HOOK2: variants seen among roughly 807,000 people sequenced by gnomAD.
The protein encoded by HOOK2 is hook microtubule tethering protein 2.
A neutral mutation model predicts 111.9 loss-of-function variants in HOOK2; 108 were observed. The observed-to-expected ratio is 0.96, with a 90% CI of 0.83 to 1.13. The LOEUF (loss-of-function observed/expected upper bound fraction) is 1.13, where lower values mean the gene tolerates loss of function less well. Ranked by LOEUF, HOOK2 falls within the 50% of genes most tolerant of loss-of-function variation. The pLI is 0.00. For missense variants in HOOK2, 978 were observed against 951.3 expected (o/e 1.03, Z -0.37); for synonymous variants, 405 against 394.3 (o/e 1.03, Z -0.32).
In HOOK2 at chr19:12,791,197, T is replaced by C. The variant is rs572566911; in HGVS notation, n.42-16972A>G. Among the ~76,000 whole-genome samples the C allele has an allele frequency of 6.6e-6, 1 of 152,238 alleles. No individual in the cohort carries two copies. The highest frequency in any genetic ancestry group is 6.5e-5 in the Admixed American group (1 of 15,288). On this transcript the variant is annotated intron_variant and non_coding_transcript_variant, in intron 3 of 3. Coordinates refer to the HOOK2 transcript ENST00000589765. The surrounding 1 kb of genome is among the most constrained non-coding windows in gnomAD (Gnocchi z 7.0). ...GTCCCAGTGGACTCCAGGGAAATCA[T>C]CCTCCTCCCTGAAACCCCTCACTCA...
At chr19:12,782,456 C>CA, upstream of HOOK2, among the ~76,000 whole-genome samples, 1 of 152,206 alleles carries the variant, frequency 6.6e-6, no homozygotes, top group Non-Finnish European at 1.5e-5. Flanking sequence ...CAGCAGGCTG[C>CA]GCGGACGCAG....
upstream of HOOK2, among the ~76,000 whole-genome samples, chr19:12,776,730 T>A (rs1044311333): frequency 2.7e-5 from 4 of 150,258 alleles, no homozygotes; most frequent in South Asian, 8.4e-4. Context: ...TGGTCCTAGC[T>A]CCTAGCTCTA....
At position 12,791,996 on chromosome 19, in the gene HOOK2, C is replaced by T. The variant is rs760303170; in HGVS notation, n.42-17771G>A. The T allele has an allele frequency of 1.9e-6, 3 of 1,611,680 alleles. No homozygotes were observed. Among genetic ancestry groups the T allele is most frequent in the Non-Finnish European group, 2.5e-6 (3 of 1,179,440 alleles). ...GCTACTTTTCTGGTCAGGGCTCGGA[C>T]ACCGGCGCGTCTCTCAAGCTCGCCT... On this transcript the variant is annotated intron_variant and non_coding_transcript_variant, in intron 3 of 3. Coordinates refer to the HOOK2 transcript ENST00000589765. The surrounding 1 kb of genome is among the most constrained non-coding windows in gnomAD (Gnocchi z 7.0).
At chr19:12,775,258 G>C in intron 1 of HOOK2, 147 bp downstream of exon 1, 1 of 1,451,630 alleles carries the variant, frequency 6.9e-7, no homozygotes, top group South Asian at 1.4e-5. Context: ...ACGGGGGCGG[G>C]TGCTCGGGCC....
At chr19:12,767,544 T>C in intron 13 of HOOK2, 80 bp from the exon 14 acceptor site, 1 of 1,216,154 alleles carries the variant, frequency 8.2e-7, no homozygotes, top group Non-Finnish European at 1.2e-6. Flanking sequence ...AAGGATCATC[T>C]TTTGGGGCTT....
At position 12,763,154 on chromosome 19, in the gene HOOK2, G is replaced by A; in HGVS notation, c.*128C>T. ...CCGCCCTCCCTCCCCACCAATCTGG[G>A]AGAGGGAAGAGCAGAGATCATGGCC... is the stretch of plus-strand genomic sequence containing the variant. On this transcript the variant is annotated 3_prime_UTR_variant, in exon 23 of 23. Transcript: ENST00000397668. 1 of 916,730 alleles carries A rather than the reference G, an allele frequency of 1.1e-6. No individual in the cohort carries two copies. The allele number at this position is 916,730 out of a possible 1,614,324, so 56.8% of individuals were successfully genotyped here.
rs753774177 is a variant in HOOK2, at chr19:12,765,080, G to T, written c.1642C>A (p.Gln548Lys). 5.6e-6 allele frequency: 9 copies of T among 1,614,110 alleles called. No homozygotes were observed. The Admixed American group carries it at 1.5e-4, about 27-fold the overall frequency. ...TCCAGATCTGCCTCATGAAGCTTCTGCCTGTGGGCCGGGGATGAGCAGCAG... is the reference window on the plus strand; with the variant it reads ...TCCAGATCTGCCTCATGAAGCTTCTTCCTGTGGGCCGGGGATGAGCAGCAG... ...LLKRKLEEHLQKLHEADLELQ... is the reference protein window; with the variant it reads ...LLKRKLEEHLKKLHEADLELQ... Residue 548 changes from glutamine (Q) to lysine (K), a missense_variant and splice_region_variant, in exon 19 of 23, where the codon CAG (glutamine) becomes AAG (lysine). Gln to Lys is a moderately conservative substitution (Grantham distance 53, BLOSUM62 1). Coordinates refer to ENST00000397668, the MANE Select transcript of HOOK2 (RefSeq NM_013312.3).
intron 7 of HOOK2, 106 bp from the exon 8 acceptor site, chr19:12,771,583 G>A (rs1426077075): frequency 1.4e-5 from 14 of 970,458 alleles, no homozygotes; most frequent in Non-Finnish European, 2.2e-5. Flanking sequence ...AAACCCTCAG[G>A]ATTGAAAAGA....
rs534490655 is a variant in HOOK2 at position 12,772,970 on chromosome 19, C to T, written c.255+24G>A. 6 of 1,614,220 alleles carry T rather than the reference C, an allele frequency of 3.7e-6. No homozygotes were observed. In the South Asian group the frequency reaches 6.6e-5, roughly 18 times the overall value. The stretch of plus-strand genomic sequence containing the variant: ...CCCACCCTTCTCCCAACTCAACCCC[C>T]TGAATCCCTTTACAGTTACTCACAT... On this transcript the variant is annotated intron_variant, in intron 4 of 22. Transcript: ENST00000397668.
Position 12,786,850 on chromosome 19 carries a change from C to T in HOOK2, n.42-12625G>A, listed in dbSNP as rs1362960871. Reference sequence around the variant, plus strand: ...GAGACCCGTGCCCCTCTGTCTGTGCCCCACCACATTTCTCCCCCAATTAAA... The same window carrying T: ...GAGACCCGTGCCCCTCTGTCTGTGCTCCACCACATTTCTCCCCCAATTAAA... On this transcript the variant is annotated intron_variant and non_coding_transcript_variant, in intron 3 of 3. Transcript: ENST00000589765. The surrounding 1 kb of genome is among the most constrained non-coding windows in gnomAD (Gnocchi z 4.3). Among the ~76,000 whole-genome samples the T allele has an allele frequency of 6.6e-6, 1 of 152,148 alleles. No homozygotes were observed. Among genetic ancestry groups the T allele is most frequent in the Non-Finnish European group, 1.5e-5 (1 of 68,014 alleles).
At chr19:12,767,795 C>A in intron 13 of HOOK2, 21 bp downstream of exon 13, 1 of 1,596,678 alleles carries the variant, frequency 6.3e-7, no homozygotes. Flanking sequence ...GGTAAGACCC[C>A]GGGATGGGGC....
intron 1 of HOOK2, 67 bp from the exon 2 acceptor site, chr19:12,774,964 C>A (rs1968451741): frequency 4.2e-6 from 6 of 1,437,550 alleles, no homozygotes; most frequent in Non-Finnish European, 4.8e-6. Context: ...TCCCCTTTTG[C>A]AGACTTTTCC....
chr19:12,764,086 C>T (rs1968077513), intron 20 of HOOK2, among the ~76,000 whole-genome samples: 1 of 152,208 alleles, frequency 6.6e-6, no homozygotes, highest in Non-Finnish European at 1.5e-5. Context: ...GCACTCTCAG[C>T]TCACTGCAAC....
At position 12,767,421 on chromosome 19, in the gene HOOK2, G is replaced by T. The variant is rs763056963; in HGVS notation, c.1347C>A (p.Ala449=). 3.3e-5 allele frequency: 53 copies of T among 1,613,960 alleles called. No individual in the cohort carries two copies. The highest frequency in any genetic ancestry group is 4.3e-5 in the Non-Finnish European group (51 of 1,179,998). The change falls in exon 14 of 23, where the codon GCC becomes GCA. Residue 449 remains alanine, a synonymous_variant. Transcript: ENST00000397668. ...TGAGCTCCGCAGGCAGGATCTCTGC[G>T]GCTAAGTTATCCACGGGTGTGGAGG... ...DPTSTPVDNL[A]AEILPAELRE...
At chr19:12,765,211 C>A (rs1483419245) in intron 18 of HOOK2, 130 bp from the exon 19 acceptor site, 1 of 863,012 alleles carries the variant, frequency 1.2e-6, no homozygotes, top group Non-Finnish European at 1.9e-6. Context: ...TCTGCCTGCC[C>A]CTCATGCCTG....
In HOOK2 at chr19:12,765,174, A is replaced by G. The variant is rs1968111517; in HGVS notation, c.1641-93T>C. 17 of 1,209,284 alleles carry G rather than the reference A, an allele frequency of 1.4e-5. No homozygotes were observed. In the South Asian group the frequency reaches 1.7e-4, roughly 12 times the overall value. The allele number at this position is 1,209,284 out of a possible 1,614,324, so 74.9% of individuals were successfully genotyped here. A position where few individuals can be genotyped will look rare whatever the true frequency, so the allele number is the denominator to read the frequency against. ...CCACAGACCTCCCCGCCAGCCAGAAATGCCCCTACATGGCCACAGAGCCCT... is the reference window on the plus strand; with the variant it reads ...CCACAGACCTCCCCGCCAGCCAGAAGTGCCCCTACATGGCCACAGAGCCCT... On this transcript the variant is annotated intron_variant, in intron 18 of 22. Transcript: ENST00000397668.
At chr19:12,774,789 T>C in intron 2 of HOOK2, 23 bp downstream of exon 2, 1 of 1,613,548 alleles carries the variant, frequency 6.2e-7, no homozygotes, top group Non-Finnish European at 8.5e-7. Context: ...ACTTTTGGGA[T>C]CCTCCCCTTC....
rs1968717009 is a variant in HOOK2 at position 12,791,655 on chromosome 19, C to G, written n.42-17430G>C. ...GCTGCTACCCGCCCGCGCCAGCCCC[C>G]GAGAACGCGCGACCAGGCACCCAGT... is the stretch of plus-strand genomic sequence containing the variant. On this transcript the variant is annotated intron_variant and non_coding_transcript_variant, in intron 3 of 3. Transcript: ENST00000589765. The surrounding 1 kb of genome is among the most constrained non-coding windows in gnomAD (Gnocchi z 7.0). 4.2e-6 allele frequency: 3 copies of G among 717,916 alleles called. No homozygotes were observed. Among genetic ancestry groups the G allele is most frequent in the Non-Finnish European group, 6.4e-6 (3 of 471,128 alleles). The allele number at this position is 717,916 out of a possible 1,614,324, so 44.5% of individuals were successfully genotyped here.
rs1968723244 is a variant in HOOK2, at chr19:12,791,992, C to T, written n.42-17767G>A. On this transcript the variant is annotated intron_variant and non_coding_transcript_variant, in intron 3 of 3. Coordinates refer to the HOOK2 transcript ENST00000589765. The surrounding 1 kb of genome is among the most constrained non-coding windows in gnomAD (Gnocchi z 7.0). ...GGCAGCTACTTTTCTGGTCAGGGCTCGGACACCGGCGCGTCTCTCAAGCTC... is the reference window on the plus strand; with the variant it reads ...GGCAGCTACTTTTCTGGTCAGGGCTTGGACACCGGCGCGTCTCTCAAGCTC... The T allele has an allele frequency of 1.2e-6, 2 of 1,611,400 alleles. No individual in the cohort carries two copies. The highest frequency in any genetic ancestry group is 1.1e-5 in the South Asian group (1 of 90,944).
Sources: allele counts gnomAD v4.1 joint callset (sites outside exome capture counted in the v4.1 genomes callset), GRCh38; gene constraint gnomAD v4.1.1; non-coding constraint Gnocchi (gnomAD v3.1); transcripts MANE v1.5; gene names NCBI Gene and HGNC (gene_info 2026-07-23, HGNC 2026-07-21).